RYR1: variants seen among roughly 807,000 people sequenced by gnomAD.
The protein encoded by RYR1 is ryanodine receptor 1.
A neutral mutation model predicts 583.5 loss-of-function variants in RYR1; 342 were observed. The observed-to-expected ratio is 0.59, with a 90% CI of 0.54 to 0.64. RYR1 has a LOEUF of 0.64. RYR1 is among the 30% of genes least tolerant of loss of function. The probability of loss-of-function intolerance (pLI) is 0.00; values close to 1 mark genes in which losing one functional copy is unlikely to be tolerated. For synonymous variants in RYR1, 2,791 were observed against 2,822.5 expected, an observed-to-expected ratio of 0.99 and a Z score of 0.35; for missense variants, 6,032 against 6,917.2, an observed-to-expected ratio of 0.87 and a Z score of 4.54.
intron 87 of RYR1, among the ~76,000 whole-genome samples, chr19:38,544,843 CA>C (rs1482241251): frequency 2.6e-5 from 4 of 152,160 alleles, no homozygotes; most frequent in Non-Finnish European, 5.9e-5. Flanking sequence ...GTCTAGGTTG[CA>C]AAAGCTAGAA....
chr19:38,555,307 C>A (rs1381328749), intron 89 of RYR1, among the ~76,000 whole-genome samples: 3 of 151,864 alleles, frequency 2.0e-5, no homozygotes, highest in African/African-American at 4.8e-5. Flanking sequence ...AAAAAATTAG[C>A]CGAGTGTGGT....
rs146306934 is a variant in RYR1 at position 38,499,706 on chromosome 19, G to A, written c.7099G>A (p.Ala2367Thr). ...CCGGAAGCCTGAGTGCTTCGGACCC[G>A]CCCTGCGGGGTGAGGGTGGCTCAGG... ...LIRKPECFGP[A>T]LRGEGGSGLL... Residue 2367 changes from alanine (A) to threonine (T), a missense_variant, in exon 44 of 106, where the codon GCC becomes ACC. Transcript: ENST00000359596. The surrounding 1 kb of genome is among the most constrained non-coding windows in gnomAD (Gnocchi z 7.3). 3.9e-5 allele frequency: 63 copies of A among 1,601,198 alleles called. No homozygotes were observed. Among genetic ancestry groups the A allele is most frequent in the Admixed American group, 1.0e-4 (6 of 59,928 alleles).
In RYR1 at chr19:38,515,038, A is replaced by C; in HGVS notation, c.9485A>C (p.Gln3162Pro). 6.2e-7 allele frequency: 1 copy of C among 1,611,780 alleles called. No individual in the cohort carries two copies. The highest frequency in any genetic ancestry group is 8.5e-7 in the Non-Finnish European group (1 of 1,178,714). ...CTGTCTCCCTCAGTGGACGACGTCC[A>C]GGTCTCTTGCTACCGAACGCTGTGC... Reference protein sequence around the residue: ...FGDDVILDDVQVSCYRTLCSI... With the variant: ...FGDDVILDDVPVSCYRTLCSI... Residue 3162 changes from glutamine to proline, a missense_variant, in exon 64 of 106, where the codon CAG (glutamine) becomes CCG (proline). Transcript: ENST00000359596.
At position 38,502,932 on chromosome 19, in the gene RYR1, G is replaced by A. The variant is rs193922825; in HGVS notation, c.7888G>A (p.Val2630Met). 9 of 1,611,268 alleles carry A rather than the reference G, an allele frequency of 5.6e-6. No homozygotes were observed. Among genetic ancestry groups the A allele is most frequent in the African/African-American group, 5.3e-5 (4 of 74,894 alleles). Residue 2630 changes from valine to methionine, a missense_variant, in exon 49 of 106, where the codon GTG becomes ATG. Physicochemically the swap from Val to Met is conservative, Grantham distance 21. Coordinates refer to ENST00000359596, the MANE Select transcript of RYR1 (RefSeq NM_000540.3). Reference protein sequence around the residue: ...QHLLRRLVFDVPILNEFAKMP... With the variant: ...QHLLRRLVFDMPILNEFAKMP... ...CCTGTTGCGCCGCCTGGTGTTCGAC[G>A]TGCCCATCCTCAACGAGTTCGCCAA...
At chr19:38,586,452 C>G in intron 104 of RYR1, 73 bp from the exon 105 acceptor site, 1 of 1,476,054 alleles carries the variant, frequency 6.8e-7, no homozygotes, top group East Asian at 2.3e-5. Context: ...AAGACTTCCT[C>G]TCTACTATAA....
chr19:38,501,120 A>G (rs1970097651), intron 47 of RYR1, 130 bp downstream of exon 47: 6 of 841,110 alleles, frequency 7.1e-6, no homozygotes, highest in Non-Finnish European at 1.1e-5. Flanking sequence ...CCCCAATACC[A>G]TCATCAAGAT....
Position 38,452,997 on chromosome 19 carries a change from A to G in RYR1, c.1423A>G (p.Ser475Gly). 6.2e-7 allele frequency: 1 copy of G among 1,613,586 alleles called. No individual in the cohort carries two copies. The highest frequency in any genetic ancestry group is 8.5e-7 in the Non-Finnish European group (1 of 1,179,726). ...SKLRSLRNRQ[S>G]LFQEEGMLSM... ...GCTGCGAAGCCTGCGCAACCGCCAG[A>G]GCCTCTTCCAGGAGGAGGTGAGGAC... Residue 475 changes from serine (S) to glycine (G), a missense_variant, in exon 13 of 106, where the codon AGC (serine) becomes GGC (glycine). By Grantham distance (56) the Ser-to-Gly change is moderately conservative. Coordinates refer to ENST00000359596, the MANE Select transcript of RYR1 (RefSeq NM_000540.3).
chr19:38,546,591 C>A, intron 88 of RYR1, 65 bp downstream of exon 88: 1 of 1,336,776 alleles, frequency 7.5e-7, no homozygotes, highest in Non-Finnish European at 1.1e-6. Flanking sequence ...AGAATGGCCC[C>A]CTGAGACCCG....
chr19:38,442,569 G>A lies in RYR1; in HGVS notation c.270+116G>A, dbSNP rs899182030. 10 of 725,832 alleles carry A rather than the reference G, an allele frequency of 1.4e-5. No homozygotes were observed. The Admixed American group carries it at 1.6e-4, about 12-fold the overall frequency. 45.0% of individuals were successfully genotyped at this position (725,832 alleles called of 1,614,324 possible). On this transcript the variant is annotated intron_variant, in intron 3 of 105. Coordinates refer to ENST00000359596, the MANE Select transcript of RYR1 (RefSeq NM_000540.3). ...AGGACCCGGGGGTCGCTTACCATCT[G>A]CTCTTCTTCCTCTCTCTGCCCTGCC...
At position 38,464,627 on chromosome 19, in the gene RYR1, C is replaced by T. The variant is rs777378580; in HGVS notation, c.2787-12C>T. The T allele has an allele frequency of 1.3e-6, 2 of 1,569,860 alleles. No homozygotes were observed. The highest frequency in any genetic ancestry group is 3.8e-5 in the Admixed American group (2 of 52,974). Reference sequence around the variant, plus strand: ...GGGGCGTGACCTGTCGCCTCCACTCCCCCACCCCCAGGACTCTGCTGGCTC... The same window carrying T: ...GGGGCGTGACCTGTCGCCTCCACTCTCCCACCCCCAGGACTCTGCTGGCTC... On this transcript the variant is annotated splice_polypyrimidine_tract_variant and intron_variant, in intron 22 of 105. Coordinates refer to ENST00000359596, the MANE Select transcript of RYR1 (RefSeq NM_000540.3).
intron 48 of RYR1, 70 bp from the exon 49 acceptor site, chr19:38,502,810 G>GA: frequency 4.5e-6 from 3 of 667,290 alleles, no homozygotes; most frequent in Non-Finnish European, 6.1e-6. Flanking sequence ...GGGGCAGGGG[G>GA]AGGAGCAGGG....
chr19:38,504,424 C>T (rs974632322), intron 50 of RYR1, 64 bp downstream of exon 50: 2 of 1,584,406 alleles, frequency 1.3e-6, no homozygotes, highest in Admixed American at 1.7e-5. Flanking sequence ...AATTGGGGGT[C>T]CAGAGTGAAA....
Position 38,525,358 on chromosome 19 carries a change from CAAG to C in RYR1, c.10489_10491del (p.Lys3497del), listed in dbSNP as rs750515732. The C allele has an allele frequency of 6.4e-5, 102 of 1,597,852 alleles. No individual in the cohort carries two copies. In the East Asian group the frequency reaches 2.0e-3, roughly 31 times the overall value. On this transcript the variant is annotated inframe_deletion, in exon 71 of 106. Coordinates refer to ENST00000359596, the MANE Select transcript of RYR1 (RefSeq NM_000540.3). ...CCGGTGGCTCGGACCAGGAACGCAC[CAAG>C]AAGAAGCGCCGGGGGGACCGGTACT...
chr19:38,557,911 C>T (rs928406381), intron 89 of RYR1, among the ~76,000 whole-genome samples: 5 of 151,602 alleles, frequency 3.3e-5, no homozygotes, highest in Admixed American at 2.0e-4. Context: ...ACCCGGGAGG[C>T]GGAGGTTGCA....
chr19:38,581,877 G>A (rs1318595368), intron 101 of RYR1, among the ~76,000 whole-genome samples: 3 of 152,020 alleles, frequency 2.0e-5, no homozygotes, highest in Admixed American at 6.6e-5. Context: ...CAAAGTGCTG[G>A]GATTACAGAT....
chr19:38,492,456 G>C (rs1969592992), intron 37 of RYR1, 34 bp from the exon 38 acceptor site: 1 of 1,611,554 alleles, frequency 6.2e-7, no homozygotes, highest in African/African-American at 1.3e-5. Context: ...GCAAACTAAT[G>C]AATGACATTT....
chr19:38,511,447 C>T (rs1970720239), intron 60 of RYR1, 114 bp from the exon 61 acceptor site: 3 of 1,116,580 alleles, frequency 2.7e-6, no homozygotes, highest in Admixed American at 1.7e-5. Context: ...CTCCTGGTTC[C>T]TCTCTCCTTG....
intron 89 of RYR1, among the ~76,000 whole-genome samples, chr19:38,559,122 G>T (rs748487759): frequency 7.9e-5 from 12 of 152,094 alleles, no homozygotes; most frequent in Non-Finnish European, 1.3e-4. Context: ...ATAAATAAAG[G>T]GATGGGCAAT....
Position 38,584,158 on chromosome 19 carries a change from C to T in RYR1, c.14647-785C>T, listed in dbSNP as rs139714161. ...GCCTCCAGCGGGCTGTTAAAGCTTC[C>T]AGTGCTTCCCCTAGCTCATCCCTGG... On this transcript the variant is annotated intron_variant, in intron 101 of 105. Transcript: ENST00000359596. Among the ~76,000 whole-genome samples, 1,001 of 151,880 alleles carry T rather than the reference C, an allele frequency of 6.6e-3. 9 individuals carry two copies. The highest frequency in any genetic ancestry group is 0.018 in the African/African-American group (748 of 41,380).
Sources: allele counts gnomAD v4.1 joint callset (sites outside exome capture counted in the v4.1 genomes callset), GRCh38; gene constraint gnomAD v4.1.1; non-coding constraint Gnocchi (gnomAD v3.1); transcripts MANE v1.5; gene names NCBI Gene and HGNC (gene_info 2026-07-23, HGNC 2026-07-21).